The following SFMBT2 variants were observed in gnomAD, a reference collection of about 807,000 sequenced individuals.
SFMBT2 encodes the protein scm-like with four MBT domains protein 2.
SFMBT2 carries 38 observed loss-of-function variants against 110.1 expected under a neutral mutation model. The observed-to-expected ratio is 0.35, with a 90% CI of 0.27 to 0.45. SFMBT2 has a LOEUF of 0.45. SFMBT2 is among the 20% of genes least tolerant of loss of function. The pLI is 1.00. For missense variants in SFMBT2, 1,011 were observed against 1,094.9 expected (o/e 0.92, Z 1.08); for synonymous variants, 425 against 425.4 (o/e 1.00, Z 0.01).
intron 1 of SFMBT2, among the ~76,000 whole-genome samples, chr10:7,396,617 C>T (rs946199370): frequency 8.6e-5 from 13 of 152,008 alleles, no homozygotes; most frequent in Admixed American, 8.5e-4. Flanking sequence ...TTCCCTTATG[C>T]TAATTCTAAC....
Position 7,170,979 on chromosome 10 carries a change from C to T in SFMBT2, c.2493G>A (p.Arg831=). The part of the protein sequence containing the change: ...PLEWTVTDVV[R]FIKLTDCAPL... ...GGGCACAGTCTGTCAGCTTAATGAA[C>T]CTCACCACGTCGGTGACCGTCCACT... The change falls in exon 20 of 21, where the codon AGG becomes AGA. Residue 831 remains arginine, a synonymous_variant. Transcript: ENST00000397167. The surrounding 1 kb of genome is among the most constrained non-coding windows in gnomAD (Gnocchi z 4.6). The T allele has an allele frequency of 1.9e-6, 3 of 1,614,204 alleles. No homozygotes were observed. The highest frequency in any genetic ancestry group is 1.3e-5 in the African/African-American group (1 of 75,052).
rs1278331814 is a variant in SFMBT2, at chr10:7,161,988, G to A, written c.*1782C>T. On this transcript the variant is annotated 3_prime_UTR_variant, in exon 21 of 21. Transcript: ENST00000397167. ...TCCAGTGTCTGCTTGGGAACTGTGG[G>A]AGGGTTTGGTTTCCTTGCATAAGTT... The A allele has an allele frequency of 3.3e-5, 5 of 152,254 alleles. No individual in the cohort carries two copies. In the East Asian group the frequency reaches 9.6e-4, roughly 29 times the overall value. The allele number at this position is 152,254 out of a possible 1,614,324, so 9.4% of individuals were successfully genotyped here. A position where few individuals can be genotyped will look rare whatever the true frequency, so the allele number is the denominator to read the frequency against.
At chr10:7,370,133 C>T (rs1007428867) in intron 3 of SFMBT2, 148 bp downstream of exon 3, 10 of 627,498 alleles carry the variant, frequency 1.6e-5, no homozygotes, top group African/African-American at 1.3e-4. Flanking sequence ...TCCCAAAGTG[C>T]TGGGATTACA....
chr10:7,319,996 G>A (rs537988580), intron 4 of SFMBT2, among the ~76,000 whole-genome samples: 3 of 151,562 alleles, frequency 2.0e-5, no homozygotes, highest in Non-Finnish European at 2.9e-5. Flanking sequence ...GAGAGAGACA[G>A]AGAGGGAGAC....
At chr10:7,397,954 G>C (rs1588510613) in intron 1 of SFMBT2, among the ~76,000 whole-genome samples, 1 of 152,220 alleles carries the variant, frequency 6.6e-6, no homozygotes, top group South Asian at 2.1e-4. Context: ...GTTCGGGGCA[G>C]GAGTTCACCT....
intron 17 of SFMBT2, among the ~76,000 whole-genome samples, chr10:7,173,664 C>T (rs1045891623): frequency 6.6e-6 from 1 of 152,148 alleles, no homozygotes; most frequent in Non-Finnish European, 1.5e-5. Flanking sequence ...ATGAAAACCA[C>T]CACTAAGGAT....
Position 7,284,156 on chromosome 10 carries a change from T to C in SFMBT2, c.526-6A>G, listed in dbSNP as rs1353708330. The C allele has an allele frequency of 6.2e-7, 1 of 1,607,794 alleles. No homozygotes were observed. On this transcript the variant is annotated splice_polypyrimidine_tract_variant and splice_region_variant and intron_variant, in intron 5 of 20. Transcript: ENST00000397167. The stretch of plus-strand genomic sequence containing the variant: ...GGGCCTTTCCCTCGCAGAGGCTGTT[T>C]AAACAGAAGCAAAACTCCTTATTTT...
At chr10:7,193,534 C>G (rs901673248) in intron 15 of SFMBT2, among the ~76,000 whole-genome samples, 1 of 152,128 alleles carries the variant, frequency 6.6e-6, no homozygotes, top group African/African-American at 2.4e-5. Flanking sequence ...TTTTCAGAGT[C>G]GTTTCTGCCA....
At chr10:7,371,891 A>G in intron 2 of SFMBT2, among the ~76,000 whole-genome samples, 1 of 148,954 alleles carries the variant, frequency 6.7e-6, no homozygotes, top group African/African-American at 2.5e-5. Flanking sequence ...CTTCTTCTGG[A>G]GACTATCACT....
chr10:7,301,161 G>A lies in SFMBT2; in HGVS notation c.437-15207C>T, dbSNP rs1842545938. ...TTGAGAACCATGCCTGCAACGAACAGAAGTTCCTTCACTGAAAGTCTCGGG... is the reference window on the plus strand; with the variant it reads ...TTGAGAACCATGCCTGCAACGAACAAAAGTTCCTTCACTGAAAGTCTCGGG... On this transcript the variant is annotated intron_variant, in intron 4 of 20. Coordinates refer to ENST00000397167, the MANE Select transcript of SFMBT2 (RefSeq NM_001387889.1). This position sits in a 1 kb window ranked among gnomAD's most constrained non-coding sequence, Gnocchi z 4.2. 6.6e-6 allele frequency among the ~76,000 whole-genome samples: 1 copy of A among 152,216 alleles called. No individual in the cohort carries two copies. Among genetic ancestry groups the A allele is most frequent in the African/African-American group, 2.4e-5 (1 of 41,464 alleles).
Position 7,288,863 on chromosome 10 carries a change from C to G in SFMBT2, c.437-2909G>C, listed in dbSNP as rs558351923. 1.4e-4 allele frequency among the ~76,000 whole-genome samples: 19 copies of G among 140,054 alleles called. No homozygotes were observed. The East Asian group carries it at 2.9e-3, about 21-fold the overall frequency. 91.9% of individuals were successfully genotyped at this position (140,054 alleles called of 152,430 possible). A position where few individuals can be genotyped will look rare whatever the true frequency, so the allele number is the denominator to read the frequency against. On this transcript the variant is annotated intron_variant, in intron 4 of 20. Transcript: ENST00000397167. ...GGCCAATATGGTGAAACCCCCCCCC[C>G]CATCTCCACTAGAAATAGAAAAATG...
chr10:7,371,357 C>G (rs1479001289), intron 2 of SFMBT2, among the ~76,000 whole-genome samples: 1 of 152,054 alleles, frequency 6.6e-6, no homozygotes, highest in Non-Finnish European at 1.5e-5. Context: ...GAACTCTGAA[C>G]CTCAGGTGAT....
At chr10:7,251,630 T>TA (rs1339401201) in intron 7 of SFMBT2, among the ~76,000 whole-genome samples, 1 of 152,192 alleles carries the variant, frequency 6.6e-6, no homozygotes, top group Non-Finnish European at 1.5e-5. Flanking sequence ...TATGAAATAA[T>TA]AAAGCGTAGC....
At chr10:7,333,783 C>T (rs1305170615) in intron 4 of SFMBT2, among the ~76,000 whole-genome samples, 1 of 150,906 alleles carries the variant, frequency 6.6e-6, no homozygotes, top group Non-Finnish European at 1.5e-5. Flanking sequence ...CACAGGGCCT[C>T]CCCGCTTTCT....
intron 4 of SFMBT2, among the ~76,000 whole-genome samples, chr10:7,366,376 G>A (rs567901512): frequency 1.9e-4 from 28 of 150,052 alleles, no homozygotes; most frequent in Non-Finnish European, 3.2e-4. Context: ...CCTAACAAAG[G>A]GTAATTAAAA....
At chr10:7,279,024 C>T (rs578078473) in intron 6 of SFMBT2, among the ~76,000 whole-genome samples, 1 of 151,876 alleles carries the variant, frequency 6.6e-6, no homozygotes, top group African/African-American at 2.4e-5. Context: ...TCGCTTGAAC[C>T]CTGGAGGCGG....
chr10:7,285,676 G>A, intron 5 of SFMBT2, 190 bp downstream of exon 5: 1 of 564,032 alleles, frequency 1.8e-6, no homozygotes, highest in Non-Finnish European at 3.2e-6. Context: ...CACAGGGGAA[G>A]TTTCATCAAT....
At chr10:7,201,790 C>T (rs768174037) in intron 13 of SFMBT2, among the ~76,000 whole-genome samples, 9 of 152,192 alleles carry the variant, frequency 5.9e-5, no homozygotes, top group East Asian at 1.9e-4. Flanking sequence ...TGCCTGGACA[C>T]GCTTTGCTAA....
At chr10:7,196,715 T>C (rs995349107) in intron 15 of SFMBT2, among the ~76,000 whole-genome samples, 70 of 152,364 alleles carry the variant, frequency 4.6e-4, no homozygotes, top group African/African-American at 1.6e-3. Context: ...GAAACATTCA[T>C]CATGGTACGG....
Sources: gnomAD v4.1 joint callset for allele counts (sites outside exome capture counted in the v4.1 genomes callset) on GRCh38, gnomAD v4.1.1 for gene constraint, Gnocchi (gnomAD v3.1) non-coding constraint, MANE v1.5 for transcripts, NCBI Gene and HGNC (gene_info 2026-07-23, HGNC 2026-07-21) for gene names.